The following TNIK variants were observed in gnomAD, a reference collection of about 807,000 sequenced individuals.
TNIK encodes the protein TRAF2 and NCK-interacting protein kinase.
A neutral mutation model predicts 191.3 loss-of-function variants in TNIK; 49 were observed. That is an observed-to-expected ratio of 0.26 (90% CI 0.20 to 0.32). The LOEUF (loss-of-function observed/expected upper bound fraction) is 0.32. Ranked by LOEUF, TNIK falls within the 10% of genes least tolerant of loss-of-function variation. The probability of loss-of-function intolerance (pLI) is 1.00; values close to 1 mark genes in which losing one functional copy is unlikely to be tolerated. For missense variants in TNIK, 1,155 were observed against 1,702.3 expected (o/e 0.68, Z 5.66); for synonymous variants, 594 against 600.9 (o/e 0.99, Z 0.17).
intron 11 of TNIK, among the ~76,000 whole-genome samples, chr3:171,160,341 C>T (rs751179953): frequency 2.0e-5 from 3 of 152,116 alleles, no homozygotes; most frequent in East Asian, 1.9e-4. Context: ...CACATGGTAT[C>T]TGGCTCATTC....
Position 171,410,442 on chromosome 3 carries a change from G to C in TNIK, c.58-40757C>G, listed in dbSNP as rs1257579316. On this transcript the variant is annotated intron_variant, in intron 1 of 32. Transcript: ENST00000436636. ...CTCAGAGTAATCAGCTCCTTGCATG[G>C]CAGCTGGTTTCTCAGGATATGAATG... 3.3e-5 allele frequency among the ~76,000 whole-genome samples: 5 copies of C among 152,134 alleles called. No individual in the cohort carries two copies. In the East Asian group the frequency reaches 9.6e-4, roughly 29 times the overall value.
rs376690747 is a variant in TNIK at position 171,277,093 on chromosome 3, G to A, written c.124-48872C>T. 4.6e-5 allele frequency among the ~76,000 whole-genome samples: 7 copies of A among 152,280 alleles called. No homozygotes were observed. The East Asian group carries it at 9.7e-4, about 21-fold the overall frequency. ...TAAAGTGATTATTTCAGGGGTGGGT[G>A]ACACAGGATAAACGTGGCCCCCTTC... On this transcript the variant is annotated intron_variant, in intron 2 of 32. Transcript: ENST00000436636.
intron 15 of TNIK, among the ~76,000 whole-genome samples, chr3:171,135,546 C>T (rs556905655): frequency 6.8e-4 from 103 of 152,276 alleles, no homozygotes; most frequent in African/African-American, 2.3e-3. Flanking sequence ...GAACAGACAA[C>T]GGTTAGTTGG....
intron 2 of TNIK, among the ~76,000 whole-genome samples, chr3:171,368,941 GT>G (rs5854417): frequency 6.1e-5 from 9 of 146,924 alleles, no homozygotes; most frequent in Admixed American, 2.0e-4. Flanking sequence ...CATTTTTTTT[GT>G]TTTTTTTTTT....
At chr3:171,258,250 C>A (rs867380645) in intron 2 of TNIK, among the ~76,000 whole-genome samples, 1 of 152,146 alleles carries the variant, frequency 6.6e-6, no homozygotes, top group East Asian at 1.9e-4. Context: ...AATATTTTAT[C>A]TAGAACTCCT....
intron 2 of TNIK, among the ~76,000 whole-genome samples, chr3:171,245,944 T>TG (rs919916220): frequency 6.6e-5 from 10 of 151,662 alleles, no homozygotes; most frequent in Non-Finnish European, 1.5e-4. Context: ...CAGACAGACT[T>TG]GGGGGAGGGG....
intron 12 of TNIK, among the ~76,000 whole-genome samples, chr3:171,152,508 T>A (rs994699238): frequency 1.3e-5 from 2 of 152,116 alleles, no homozygotes; most frequent in African/African-American, 4.8e-5. Context: ...TTCTGGTTAA[T>A]CCTCAGGAAA....
At position 171,451,391 on chromosome 3, in the gene TNIK, C is replaced by T. The variant is rs546869327; in HGVS notation, c.57+8616G>A. Among the ~76,000 whole-genome samples, 9 of 152,336 alleles carry T rather than the reference C, an allele frequency of 5.9e-5. No individual in the cohort carries two copies. The South Asian group carries it at 1.7e-3, about 28-fold the overall frequency. On this transcript the variant is annotated intron_variant, in intron 1 of 32. Transcript: ENST00000436636. ...CTCCAGTCAAGCCTTCAGAAGATAG[C>T]TCACCTTGCCAAAATCTTCCTGCAA...
At chr3:171,324,243 C>T (rs550653385) in intron 2 of TNIK, among the ~76,000 whole-genome samples, 1 of 152,106 alleles carries the variant, frequency 6.6e-6, no homozygotes, top group Non-Finnish European at 1.5e-5. Flanking sequence ...CTTCAAGGCT[C>T]TGTGCTTTTA....
At chr3:171,131,333 G>T (rs372036283) in intron 15 of TNIK, among the ~76,000 whole-genome samples, 80 of 45,828 alleles carry the variant, frequency 1.7e-3, no homozygotes, top group African/African-American at 5.1e-3. Flanking sequence ...GCGAGACTCC[G>T]TCTCAAAAAA....
chr3:171,280,853 A>C (rs1356092087), intron 2 of TNIK, among the ~76,000 whole-genome samples: 1 of 152,294 alleles, frequency 6.6e-6, no homozygotes, highest in East Asian at 1.9e-4. Context: ...GTAAAAATAG[A>C]TATTTCTCTA....
rs369541042 is a variant in TNIK at position 171,446,451 on chromosome 3, T to C, written c.57+13556A>G. On this transcript the variant is annotated intron_variant, in intron 1 of 32. Coordinates refer to ENST00000436636, the MANE Select transcript of TNIK (RefSeq NM_015028.4). ...TTTTACCCTAGACATAAATAATTTA[T>C]AGGCATTTTAAATGGAGGATTAGGT... Among the ~76,000 whole-genome samples, 9 of 152,334 alleles carry C rather than the reference T, an allele frequency of 5.9e-5. No individual in the cohort carries two copies. In the South Asian group the frequency reaches 1.0e-3, roughly 18 times the overall value.
chr3:171,347,921 G>A (rs921267738), intron 2 of TNIK, among the ~76,000 whole-genome samples: 3 of 152,094 alleles, frequency 2.0e-5, no homozygotes, highest in Non-Finnish European at 4.4e-5. Context: ...CACTCACTAG[G>A]CTCTAAGAAA....
intron 5 of TNIK, among the ~76,000 whole-genome samples, chr3:171,193,631 T>C (rs376311901): frequency 3.9e-5 from 6 of 152,350 alleles, no homozygotes; most frequent in African/African-American, 1.4e-4. Flanking sequence ...TTTTAACTTC[T>C]ATCCATTTCA....
At chr3:171,185,306 A>C (rs1737228602) in intron 7 of TNIK, among the ~76,000 whole-genome samples, 3 of 152,160 alleles carry the variant, frequency 2.0e-5, no homozygotes, top group African/African-American at 7.2e-5. Flanking sequence ...TGGTTCTGTT[A>C]AAGTAATAAA....
chr3:171,145,088 CTTTT>C (rs71176594), intron 12 of TNIK, among the ~76,000 whole-genome samples: 5 of 132,628 alleles, frequency 3.8e-5, no homozygotes, highest in Non-Finnish European at 4.8e-5. Flanking sequence ...CTATCTCTCT[CTTTT>C]TTTTTTTTTT....
rs149559425 is a variant in TNIK at position 171,241,088 on chromosome 3, C to T, written c.124-12867G>A. ...TCTTGTTGCCCAGTTTGGAGTGCAA[C>T]GGCACGATCTTGGCTCACCGCAACC... On this transcript the variant is annotated intron_variant, in intron 2 of 32. Coordinates refer to ENST00000436636, the MANE Select transcript of TNIK (RefSeq NM_015028.4). Among the ~76,000 whole-genome samples, 453 of 150,642 alleles carry T rather than the reference C, an allele frequency of 3.0e-3. 2 individuals carry two copies. Among genetic ancestry groups the T allele is most frequent in the African/African-American group, 0.011 (433 of 40,746 alleles).
chr3:171,337,011 C>T (rs1396367424), intron 2 of TNIK, among the ~76,000 whole-genome samples: 1 of 152,182 alleles, frequency 6.6e-6, no homozygotes, highest in African/African-American at 2.4e-5. Flanking sequence ...CACCTCTTCC[C>T]CACAGCCTCA....
chr3:171,152,896 C>T (rs570971653), intron 12 of TNIK, among the ~76,000 whole-genome samples: 26 of 152,008 alleles, frequency 1.7e-4, no homozygotes, highest in East Asian at 9.7e-4. Flanking sequence ...CTCAGCTTCC[C>T]GAGTAGCTGG....
Sources: allele counts gnomAD v4.1 joint callset (sites outside exome capture counted in the v4.1 genomes callset), GRCh38; gene constraint gnomAD v4.1.1; transcripts MANE v1.5; gene names NCBI Gene and HGNC (gene_info 2026-07-23, HGNC 2026-07-21).